ANO1: variants seen among roughly 807,000 people sequenced by gnomAD.
The protein encoded by ANO1 is anoctamin 1.
ANO1 carries 59 observed loss-of-function variants against 124.0 expected under a neutral mutation model. The observed-to-expected ratio is 0.48, with a 90% CI of 0.39 to 0.59. The LOEUF is 0.59. Ranked by LOEUF, ANO1 falls within the 20% of genes least tolerant of loss-of-function variation. The pLI is 0.00. For synonymous variants in ANO1, 529 were observed against 532.0 expected (o/e 0.99, Z 0.08); for missense variants, 1,059 against 1,328.0 (o/e 0.80, Z 3.15).
At chr11:70,170,765 G>T in intron 21 of ANO1, 122 bp from the exon 22 acceptor site, 1 of 1,259,060 alleles carries the variant, frequency 7.9e-7, no homozygotes. Flanking sequence ...GGTCCATGCA[G>T]GTGGGCTCGT....
At chr11:70,091,025 G>C (rs2186793) in intron 2 of ANO1, among the ~76,000 whole-genome samples, 148,693 of 152,328 alleles carry the variant, frequency 0.98, 72,657 homozygotes, top group East Asian at 1. Context: ...TGGAAGGAGC[G>C]ATGGTTTGGG....
At position 70,103,764 on chromosome 11, in the gene ANO1, C is replaced by T. The variant is rs139288524; in HGVS notation, c.541-235C>T. 9.9e-5 allele frequency among the ~76,000 whole-genome samples: 15 copies of T among 152,170 alleles called. No homozygotes were observed. In the East Asian group the frequency reaches 1.4e-3, roughly 14 times the overall value. On this transcript the variant is annotated intron_variant, in intron 3 of 25. Coordinates refer to ENST00000355303, the MANE Select transcript of ANO1 (RefSeq NM_018043.7). ...CTTTTGAAGCAAAAGTAAAGTTTAG[C>T]GGGGAAGTTCTCTGGAATGCATTGT...
rs58358100 is a variant in ANO1 at position 70,095,299 on chromosome 11, GGAAAGAAA to G, written c.441+7229_441+7236del. Among the ~76,000 whole-genome samples the G allele has an allele frequency of 2.7e-3, 140 of 50,972 alleles. 9 individuals are homozygous for G. The highest frequency in any genetic ancestry group is 0.01 in the African/African-American group (115 of 11,208). 33.4% of individuals were successfully genotyped at this position (50,972 alleles called of 152,430 possible). A position where few individuals can be genotyped will look rare whatever the true frequency, so the allele number is the denominator to read the frequency against. On this transcript the variant is annotated intron_variant, in intron 2 of 25. Coordinates refer to ENST00000355303, the MANE Select transcript of ANO1 (RefSeq NM_018043.7). Reference sequence around the variant, plus strand: ...AGGAAGGAAGGAAGGAAGGAAGGAAGGAAAGAAAGAAAGAAAGAAAGGAAAGAAAGAAA... The same window carrying G: ...AGGAAGGAAGGAAGGAAGGAAGGAAGGAAAGAAAGAAAGGAAAGAAAGAAA...
At position 70,182,640 on chromosome 11, in the gene ANO1, G is replaced by A. The variant is rs1410868071; in HGVS notation, c.2542G>A (p.Ala848Thr). The A allele has an allele frequency of 1.2e-6, 2 of 1,612,020 alleles. No individual in the cohort carries two copies. The highest frequency in any genetic ancestry group is 1.1e-5 in the South Asian group (1 of 90,762). The stretch of plus-strand genomic sequence containing the variant: ...CGTCAGTGACTTCCAGAACGGCACG[G>A]CCCCCAATGACCCCCTGGACCTGGG... Reference protein sequence around the residue: ...FNVSDFQNGTAPNDPLDLGYE... With the variant: ...FNVSDFQNGTTPNDPLDLGYE... The change falls in exon 24 of 26, where the codon GCC becomes ACC. Residue 848 changes from alanine to threonine, a missense_variant. Physicochemically the swap from Ala to Thr is moderately conservative, Grantham distance 58 (BLOSUM62 0). Coordinates refer to ENST00000355303, the MANE Select transcript of ANO1 (RefSeq NM_018043.7).
rs911938697 is a variant in ANO1, at chr11:70,137,536, G to C, written c.1258+5457G>C. On this transcript the variant is annotated intron_variant, in intron 11 of 25. Transcript: ENST00000355303. ...CTCTCTGATCATGACCCAGGAGGCT[G>C]TGACTCCCCAGCCTCCTGGTGCCCC... Among the ~76,000 whole-genome samples the C allele has an allele frequency of 1.2e-4, 17 of 144,452 alleles. 1 individual carries two copies. Among genetic ancestry groups the C allele is most frequent in the Admixed American group, 2.2e-4 (3 of 13,386 alleles). The allele number at this position is 144,452 out of a possible 152,430, so 94.8% of individuals were successfully genotyped here.
At chr11:70,087,013 G>A (rs186183489) in intron 1 of ANO1, among the ~76,000 whole-genome samples, 2 of 152,356 alleles carry the variant, frequency 1.3e-5, no homozygotes, top group East Asian at 1.9e-4. Context: ...AGATTTGCAC[G>A]CACAGAACCT....
chr11:70,181,264 C>G (rs2048918607), intron 23 of ANO1, among the ~76,000 whole-genome samples: 1 of 152,202 alleles, frequency 6.6e-6, no homozygotes, highest in Non-Finnish European at 1.5e-5. Flanking sequence ...GTCGACGCCC[C>G]TGCAGGGCCG....
At chr11:70,166,038 C>T (rs532499685) in intron 20 of ANO1, among the ~76,000 whole-genome samples, 10 of 152,000 alleles carry the variant, frequency 6.6e-5, no homozygotes, top group South Asian at 2.1e-4. Flanking sequence ...AAAACAGGGC[C>T]GCGCACAGTG....
rs192809769 is a variant in ANO1, at chr11:70,059,608, A to G, written c.59-18934A>G. Among the ~76,000 whole-genome samples, 16 of 152,278 alleles carry G rather than the reference A, an allele frequency of 1.1e-4. No individual in the cohort carries two copies. The East Asian group carries it at 1.7e-3, about 17-fold the overall frequency. ...AATCCACAAGCCTGATGCGTAGGAAAAGGAGGAGGCCTGAGAAAGCCTTGG... is the reference window on the plus strand; with the variant it reads ...AATCCACAAGCCTGATGCGTAGGAAGAGGAGGAGGCCTGAGAAAGCCTTGG... On this transcript the variant is annotated intron_variant, in intron 1 of 27. Transcript: ENST00000531349.
intron 1 of ANO1, among the ~76,000 whole-genome samples, chr11:69,996,602 T>G (rs533009796): frequency 6.6e-6 from 1 of 152,278 alleles, no homozygotes; most frequent in South Asian, 2.1e-4. Flanking sequence ...GATAGCCAGG[T>G]CCAACCTCGT....
At chr11:70,079,280 C>T (rs553652823) in intron 1 of ANO1, among the ~76,000 whole-genome samples, 499 of 152,240 alleles carry the variant, frequency 3.3e-3, no homozygotes, top group Non-Finnish European at 6.0e-3. Flanking sequence ...GGGCCTGGTA[C>T]CCTGGCATTG....
chr11:69,968,950 T>C, the ANO1 span, among the ~76,000 whole-genome samples: 2 of 152,220 alleles, frequency 1.3e-5, no homozygotes, highest in Non-Finnish European at 2.9e-5. Context: ...CACCCTCCAG[T>C]CTTCACTCCT....
chr11:70,172,119 T>TAAAAAA (rs367908728), intron 22 of ANO1, among the ~76,000 whole-genome samples: 5 of 120,466 alleles, frequency 4.2e-5, no homozygotes, highest in East Asian at 2.5e-4. Context: ...GAACCTGTCT[T>TAAAAAA]AAAAAAAAAA....
chr11:70,031,055 G>A (rs781953212), intron 1 of ANO1, among the ~76,000 whole-genome samples: 2 of 152,064 alleles, frequency 1.3e-5, no homozygotes, highest in African/African-American at 2.4e-5. Flanking sequence ...AGTGATTCTC[G>A]TGCCTCAGCT....
chr11:70,125,464 C>G (rs774779927), intron 9 of ANO1, among the ~76,000 whole-genome samples: 1 of 146,584 alleles, frequency 6.8e-6, no homozygotes, highest in Middle Eastern at 3.7e-3. Flanking sequence ...TGCAGTGAGC[C>G]GAGATTGTGC....
chr11:69,996,485 A>G (rs1455104654), intron 1 of ANO1, among the ~76,000 whole-genome samples: 1 of 152,208 alleles, frequency 6.6e-6, no homozygotes, highest in Non-Finnish European at 1.5e-5. Context: ...AGAAATGTTT[A>G]AATGATCATG....
chr11:70,095,414 G>GAAAAGAAAGA (rs762525778), intron 2 of ANO1, among the ~76,000 whole-genome samples: 1 of 69,030 alleles, frequency 1.4e-5, no homozygotes, highest in Non-Finnish European at 3.4e-5. Flanking sequence ...AAGAAAGAAA[G>GAAAAGAAAGA]AAAGAAAGAA....
intron 22 of ANO1, among the ~76,000 whole-genome samples, chr11:70,171,801 T>C (rs1191356573): frequency 1.3e-5 from 2 of 152,076 alleles, no homozygotes; most frequent in African/African-American, 2.4e-5. Flanking sequence ...ACCCTGTCTC[T>C]ACAAAAAAAC....
chr11:70,158,950 G>A (rs2047936574), intron 16 of ANO1, among the ~76,000 whole-genome samples: 1 of 152,166 alleles, frequency 6.6e-6, no homozygotes, highest in Non-Finnish European at 1.5e-5. Context: ...GCCAGGCTAG[G>A]GGGTTGGGAG....
Sources: allele counts gnomAD v4.1 joint callset (sites outside exome capture counted in the v4.1 genomes callset), GRCh38; gene constraint gnomAD v4.1.1; transcripts MANE v1.5; gene names NCBI Gene and HGNC (gene_info 2026-07-23, HGNC 2026-07-21).